CFAP53: variants seen among roughly 807,000 people sequenced by gnomAD.
CFAP53 encodes cilia- and flagella-associated protein 53.
A neutral mutation model predicts 59.7 loss-of-function variants in CFAP53; 62 were observed. That is an observed-to-expected ratio of 1.04 (90% confidence interval 0.85 to 1.28). The LOEUF is 1.28. Among genes scored for constraint, CFAP53 ranks in the 50% most tolerant of loss-of-function variants. The pLI is 0.00. For missense variants in CFAP53, 629 were observed against 615.6 expected, an observed-to-expected ratio of 1.02 and a Z score of -0.23; for synonymous variants, 218 against 205.7, an observed-to-expected ratio of 1.06 and a Z score of -0.51.
intron 2 of CFAP53, among the ~76,000 whole-genome samples, chr18:50,261,526 G>A (rs1433236172): frequency 6.6e-6 from 1 of 152,040 alleles, no homozygotes; most frequent in African/African-American, 2.4e-5. Context: ...TTGAACAGCT[G>A]GGACTACAGG....
rs775069957 is a variant in CFAP53, at chr18:50,242,908, T to C, written c.1205A>G (p.Gln402Arg). 6.2e-7 allele frequency: 1 copy of C among 1,612,722 alleles called. No individual in the cohort carries two copies. The highest frequency in any genetic ancestry group is 1.3e-5 in the African/African-American group (1 of 75,050). Reference sequence around the variant, plus strand: ...GTAATTCAGTTCCTTACACTTTTCTTGAACTTGAAGTTTTCTTGTACACAT... The same window carrying C: ...GTAATTCAGTTCCTTACACTTTTCTCGAACTTGAAGTTTTCTTGTACACAT... ...EVMCTRKLQV[Q>R]EKLQREAKEQ... Residue 402 changes from glutamine to arginine, a missense_variant, in exon 6 of 8, where the codon CAA becomes CGA. By Grantham distance (43) the Gln-to-Arg change is conservative. Transcript: ENST00000398545.
intron 6 of CFAP53, among the ~76,000 whole-genome samples, chr18:50,239,308 C>T (rs188825302): frequency 1.0e-3 from 154 of 151,838 alleles, no homozygotes; most frequent in African/African-American, 2.9e-3. Flanking sequence ...GTGCCTAGAT[C>T]GTGCCACTGC....
intron 1 of CFAP53, among the ~76,000 whole-genome samples, chr18:50,263,050 C>A (rs1035418309): frequency 6.6e-6 from 1 of 152,144 alleles, no homozygotes; most frequent in Admixed American, 6.5e-5. Flanking sequence ...AATCACATAG[C>A]CTATATCTTT....
At position 50,227,721 on chromosome 18, in the gene CFAP53, A is replaced by G. The variant is rs550399679; in HGVS notation, c.1317-112T>C. Reference sequence around the variant, plus strand: ...AAAGTCAAATTAAATTCCCATTAAAATCAGGGTGAGTGGAGAAGAAATAGA... The same window carrying G: ...AAAGTCAAATTAAATTCCCATTAAAGTCAGGGTGAGTGGAGAAGAAATAGA... On this transcript the variant is annotated intron_variant, in intron 7 of 7. Transcript: ENST00000398545. 39 of 825,534 alleles carry G rather than the reference A, an allele frequency of 4.7e-5. No homozygotes were observed. In the African/African-American group the frequency reaches 6.5e-4, roughly 14 times the overall value. The allele number at this position is 825,534 out of a possible 1,614,324, so 51.1% of individuals were successfully genotyped here.
chr18:50,261,107 CTT>C lies in CFAP53; in HGVS notation c.428_429del (p.Lys143ArgfsTer8). 1 of 1,600,890 alleles carries C rather than the reference CTT, an allele frequency of 6.2e-7. No homozygotes were observed. The highest frequency in any genetic ancestry group is 1.8e-5 in the Admixed American group (1 of 56,530). ...TTTTCAGCCACAAAATCCTGCCTCT[CTT>C]TTTCATTCTTCTCTTTTAGTAATTT... ...KTKLLKEKNE[K>X]ERQDFVAEKL... On this transcript the variant is annotated frameshift_variant, in exon 3 of 8. Transcript: ENST00000398545. LOFTEE classifies it high-confidence loss of function.
At chr18:50,238,753 A>G (rs1226286226) in intron 6 of CFAP53, 48 bp from the exon 7 acceptor site, 3 of 1,353,398 alleles carry the variant, frequency 2.2e-6, no homozygotes, top group Non-Finnish European at 3.1e-6. Context: ...TCAGACAAGA[A>G]TTGCCAACAT....
chr18:50,264,884 G>A (rs548054512), intron 1 of CFAP53, among the ~76,000 whole-genome samples: 3 of 152,330 alleles, frequency 2.0e-5, no homozygotes, highest in Non-Finnish European at 4.4e-5. Context: ...CCTTCATGAA[G>A]TGTGTTTATA....
chr18:50,240,452 G>A (rs904064593), intron 6 of CFAP53, among the ~76,000 whole-genome samples: 2 of 152,182 alleles, frequency 1.3e-5, no homozygotes, highest in African/African-American at 4.8e-5. Context: ...TTTAGCCTGT[G>A]CAGTCCAATC....
chr18:50,239,271 T>G (rs1238153937), intron 6 of CFAP53, among the ~76,000 whole-genome samples: 2 of 151,834 alleles, frequency 1.3e-5, no homozygotes, highest in Non-Finnish European at 2.9e-5. Flanking sequence ...GCCTGTAATC[T>G]GAGCTGCTCA....
intron 7 of CFAP53, 120 bp downstream of exon 7, chr18:50,238,483 T>G (rs1320497621): frequency 3.3e-6 from 2 of 613,628 alleles, no homozygotes; most frequent in Non-Finnish European, 5.7e-6. Flanking sequence ...AACTCCTGGC[T>G]TCAAGCAATC....
At position 50,227,436 on chromosome 18, in the gene CFAP53, A is replaced by G; in HGVS notation, c.1490T>C (p.Leu497Pro). 6.2e-7 allele frequency: 1 copy of G among 1,614,220 alleles called. No individual in the cohort carries two copies. The highest frequency in any genetic ancestry group is 1.1e-5 in the South Asian group (1 of 91,074). ...VQEVLSTHQV[L>P]PQNIHPMRKA... ...GCGCATGGGATGAATGTTTTGAGGC[A>G]GCACTTGATGGGTGGACAGGACCTC... Residue 497 changes from leucine (L) to proline (P), a missense_variant, in exon 8 of 8, where the codon CTG (leucine) becomes CCG (proline). By Grantham distance (98) the Leu-to-Pro change is moderately conservative (BLOSUM62 -3). Coordinates refer to ENST00000398545, the MANE Select transcript of CFAP53 (RefSeq NM_145020.5).
chr18:50,250,718 T>A (rs377760231), intron 5 of CFAP53, 40 bp downstream of exon 5: 2 of 1,494,414 alleles, frequency 1.3e-6, no homozygotes, highest in East Asian at 4.5e-5. Context: ...CAGTAAGGAA[T>A]CCCTTCCAGC....
intron 7 of CFAP53, among the ~76,000 whole-genome samples, chr18:50,233,742 C>A (rs2033604444): frequency 1.3e-5 from 2 of 152,256 alleles, no homozygotes; most frequent in East Asian, 3.8e-4. Context: ...TAACACACAG[C>A]ACTAACTTCT....
chr18:50,266,434 G>T lies in CFAP53; in HGVS notation c.-30C>A. 6.2e-7 allele frequency: 1 copy of T among 1,611,106 alleles called. No homozygotes were observed. The stretch of plus-strand genomic sequence containing the variant: ...GAGTCCCCTTCGGGACGGGGGCGGC[G>T]TCCGCCGCGTTTCCCCCAACCGTGG... On this transcript the variant is annotated 5_prime_UTR_variant, in exon 1 of 8. Transcript: ENST00000398545.
At chr18:50,242,490 G>A (rs1366570419) in intron 6 of CFAP53, among the ~76,000 whole-genome samples, 2 of 152,162 alleles carry the variant, frequency 1.3e-5, no homozygotes, top group Non-Finnish European at 2.9e-5. Flanking sequence ...CACAATTTAT[G>A]TTCTTCTGCT....
intron 6 of CFAP53, among the ~76,000 whole-genome samples, chr18:50,242,229 T>C (rs1264526454): frequency 6.6e-6 from 1 of 152,210 alleles, no homozygotes; most frequent in African/African-American, 2.4e-5. Flanking sequence ...AACACACATT[T>C]TACAAACAAT....
chr18:50,233,016 C>T (rs746595754), intron 7 of CFAP53, among the ~76,000 whole-genome samples: 11 of 152,154 alleles, frequency 7.2e-5, no homozygotes, highest in Non-Finnish European at 1.2e-4. Context: ...TTTAAACTAA[C>T]GGGCAAACTA....
chr18:50,257,038 T>C (rs2033852526), intron 3 of CFAP53, among the ~76,000 whole-genome samples: 1 of 151,524 alleles, frequency 6.6e-6, no homozygotes, highest in South Asian at 2.1e-4. Flanking sequence ...GAATGAATGC[T>C]AATGGCTATG....
At chr18:50,251,089 G>A in intron 4 of CFAP53, 113 bp from the exon 5 acceptor site, 1 of 865,904 alleles carries the variant, frequency 1.2e-6, no homozygotes, top group Non-Finnish European at 1.8e-6. Context: ...CACACACCTG[G>A]ATTTAGAGAG....
Sources: gnomAD v4.1 joint callset for allele counts (sites outside exome capture counted in the v4.1 genomes callset) on GRCh38, gnomAD v4.1.1 for gene constraint, MANE v1.5 for transcripts, NCBI Gene and HGNC (gene_info 2026-07-23, HGNC 2026-07-21) for gene names.